The following ACSL5 variants were observed in gnomAD, a reference collection of about 807,000 sequenced individuals.
The protein encoded by ACSL5 is acyl-CoA synthetase long chain family member 5, also known as long-chain-fatty-acid--CoA ligase 5.
ACSL5 carries 50 observed loss-of-function variants against 84.9 expected under a neutral mutation model. That is an observed-to-expected ratio of 0.59 (90% confidence interval 0.47 to 0.75). ACSL5 has a LOEUF of 0.75. Among genes scored for constraint, ACSL5 ranks in the 30% least tolerant of loss-of-function variants. The pLI, the probability that ACSL5 is intolerant of heterozygous loss-of-function variation, is 0.00. For synonymous variants in ACSL5, 280 were observed against 300.7 expected (o/e 0.93, Z 0.71); for missense variants, 775 against 830.4 (o/e 0.93, Z 0.82).
At chr10:112,410,665 C>T (rs1844157372) in intron 9 of ACSL5, 30 bp downstream of exon 9, 1 of 1,602,452 alleles carries the variant, frequency 6.2e-7, no homozygotes, top group South Asian at 1.1e-5. Flanking sequence ...AACCTTAGAC[C>T]CCTGGTCAGC....
At chr10:112,396,212 C>T (rs1291132325) in intron 2 of ACSL5, 1 of 152,182 alleles carries the variant, frequency 6.6e-6, no homozygotes, top group Non-Finnish European at 1.5e-5. Flanking sequence ...TAATATCATT[C>T]CATGAGATTT....
intron 9 of ACSL5, among the ~76,000 whole-genome samples, chr10:112,410,871 T>G (rs979177238): frequency 2.0e-5 from 3 of 152,180 alleles, no homozygotes; most frequent in Admixed American, 2.0e-4. Context: ...GTCTTAAAGA[T>G]GATGTCAGAA....
At chr10:112,394,797 A>C in intron 1 of ACSL5, 121 bp from the exon 2 acceptor site, 1 of 1,503,492 alleles carries the variant, frequency 6.7e-7, no homozygotes. Flanking sequence ...TGAGGGTTTG[A>C]AGGCGTGCGC....
rs1491438129 is a variant in ACSL5 at position 112,401,839 on chromosome 10, T to TCTTTCTTTCTTC, written c.266-2669_266-2668insTCTTTCTTCCTT. Among the ~76,000 whole-genome samples, 612 of 92,030 alleles carry TCTTTCTTTCTTC rather than the reference T, an allele frequency of 6.7e-3. 5 individuals carry two copies. The highest frequency in any genetic ancestry group is 0.01 in the Admixed American group (92 of 8,946). The allele number at this position is 92,030 out of a possible 152,430, so 60.4% of individuals were successfully genotyped here. A position where few individuals can be genotyped will look rare whatever the true frequency, so the allele number is the denominator to read the frequency against. ...TTCTTTCTTTCTTTCTTTCTTTCTT[T>TCTTTCTTTCTTC]CTTCCTTCCTTCCTTCCTTTCTTTC... On this transcript the variant is annotated intron_variant, in intron 3 of 20. Coordinates refer to ENST00000354655, the MANE Select transcript of ACSL5 (RefSeq NM_203379.2).
At position 112,411,463 on chromosome 10, in the gene ACSL5, C is replaced by T; in HGVS notation, c.804C>T (p.Pro268=). The change falls in exon 10 of 21, where the codon CCC becomes CCT. Residue 268 remains proline, a synonymous_variant. Transcript: ENST00000354655. The part of the protein sequence containing the change: ...ICFTSGTTGD[P]KGAMITHQNI... ...ACCTCTTATTTCCTACAGGTGACCC[C>T]AAAGGAGCCATGATAACCCATCAAA... is the stretch of plus-strand genomic sequence containing the variant. 5 of 1,613,068 alleles carry T rather than the reference C, an allele frequency of 3.1e-6. No homozygotes were observed. Among genetic ancestry groups the T allele is most frequent in the Non-Finnish European group, 4.2e-6 (5 of 1,179,012 alleles).
chr10:112,384,345 G>A (rs192839943), intron 1 of ACSL5, among the ~76,000 whole-genome samples: 7 of 152,238 alleles, frequency 4.6e-5, no homozygotes, highest in Non-Finnish European at 7.3e-5. Context: ...ACGAGGGCAG[G>A]GTTTTCCCTG....
chr10:112,414,706 A>T (rs190532135), intron 12 of ACSL5, among the ~76,000 whole-genome samples: 132 of 152,188 alleles, frequency 8.7e-4, no homozygotes, highest in Non-Finnish European at 1.5e-3. Flanking sequence ...CCTTTTGACA[A>T]TACCCCTGTA....
intron 17 of ACSL5, chr10:112,424,926 G>A (rs1844611401): frequency 6.5e-6 from 1 of 153,506 alleles, no homozygotes; most frequent in African/African-American, 2.4e-5. Context: ...ATAACAGGGA[G>A]TCAAGTGGTG....
intron 1 of ACSL5, among the ~76,000 whole-genome samples, chr10:112,385,866 C>T (rs1456169888): frequency 6.6e-6 from 1 of 152,108 alleles, no homozygotes; most frequent in Non-Finnish European, 1.5e-5. Flanking sequence ...TGAGTCTTCC[C>T]CATGCCAAAT....
chr10:112,390,127 A>G (rs1214482154), intron 1 of ACSL5, among the ~76,000 whole-genome samples: 1 of 152,204 alleles, frequency 6.6e-6, no homozygotes, highest in Non-Finnish European at 1.5e-5. Flanking sequence ...TAGTAAAAAG[A>G]CAACCTACAG....
At chr10:112,396,990 A>C (rs1433441772) in intron 2 of ACSL5, among the ~76,000 whole-genome samples, 1 of 152,040 alleles carries the variant, frequency 6.6e-6, no homozygotes, top group African/African-American at 2.4e-5. Flanking sequence ...TTTGGATACT[A>C]ATTTACATTG....
intron 7 of ACSL5, 59 bp from the exon 8 acceptor site, chr10:112,410,404 T>G: frequency 5.6e-6 from 9 of 1,612,164 alleles, no homozygotes; most frequent in Non-Finnish European, 7.6e-6. Flanking sequence ...AGGGCCACAT[T>G]TATCACAGTC....
At chr10:112,377,584 T>C (rs756408276) in intron 1 of ACSL5, among the ~76,000 whole-genome samples, 3 of 152,154 alleles carry the variant, frequency 2.0e-5, no homozygotes, top group Non-Finnish European at 4.4e-5. Flanking sequence ...ACTGACTTAG[T>C]TTTCTTTTAA....
chr10:112,394,440 C>CT (rs1351137263), intron 1 of ACSL5, among the ~76,000 whole-genome samples: 9 of 152,214 alleles, frequency 5.9e-5, no homozygotes, highest in Non-Finnish European at 1.0e-4. Flanking sequence ...TTTCTAAAAC[C>CT]TGTGGCATCA....
In ACSL5 at chr10:112,400,406, CTTT is replaced by C. The variant is rs573644087; in HGVS notation, c.265+1416_265+1418del. Among the ~76,000 whole-genome samples the C allele has an allele frequency of 1.2e-3, 118 of 98,860 alleles. No individual in the cohort carries two copies. The South Asian group carries it at 0.023, about 19-fold the overall frequency. 64.9% of individuals were successfully genotyped at this position (98,860 alleles called of 152,430 possible). A position where few individuals can be genotyped will look rare whatever the true frequency, so the allele number is the denominator to read the frequency against. On this transcript the variant is annotated intron_variant, in intron 3 of 20. Transcript: ENST00000354655. Reference sequence around the variant, plus strand: ...AATTTTTTTTTCCTTTTTTTCTTTTCTTTTTTTTTTTTTTTTTTTTTGAGATGG... The same window carrying C: ...AATTTTTTTTTCCTTTTTTTCTTTTCTTTTTTTTTTTTTTTTTTGAGATGG...
intron 17 of ACSL5, among the ~76,000 whole-genome samples, chr10:112,424,036 T>G (rs1000017846): frequency 6.6e-6 from 1 of 152,080 alleles, no homozygotes; most frequent in African/African-American, 2.4e-5. Context: ...TTGCCTCTTA[T>G]GAGTTTCTTG....
chr10:112,378,010 CTA>C (rs1333400968), intron 1 of ACSL5, among the ~76,000 whole-genome samples: 4 of 152,192 alleles, frequency 2.6e-5, no homozygotes, highest in African/African-American at 9.6e-5. Context: ...CTCTCCCAGG[CTA>C]TATTGTAATT....
chr10:112,414,709 C>A (rs990232733), intron 12 of ACSL5, among the ~76,000 whole-genome samples: 3 of 152,066 alleles, frequency 2.0e-5, no homozygotes, highest in Admixed American at 6.6e-5. Context: ...TTTGACAATA[C>A]CCCTGTAGCC....
intron 1 of ACSL5, chr10:112,376,401 G>A: frequency 6.2e-7 from 1 of 1,614,144 alleles, no homozygotes; most frequent in Non-Finnish European, 8.5e-7. Flanking sequence ...TCAGAGCCGG[G>A]AAGCCCCCAT....
Sources: allele counts gnomAD v4.1 joint callset (sites outside exome capture counted in the v4.1 genomes callset), GRCh38; gene constraint gnomAD v4.1.1; transcripts MANE v1.5; gene names NCBI Gene and HGNC (gene_info 2026-07-23, HGNC 2026-07-21).